XXYLT1: variants seen among roughly 807,000 people sequenced by gnomAD.
The protein encoded by XXYLT1 is UDP-xylose:alpha-xyloside alpha-1,3-xylosyltransferase.
XXYLT1 carries 20 observed loss-of-function variants against 28.9 expected under a neutral mutation model. The observed-to-expected ratio is 0.69, with a 90% CI of 0.49 to 1.00. The LOEUF (loss-of-function observed/expected upper bound fraction) is 1.00. Among genes scored for constraint, XXYLT1 ranks in the 50% least tolerant of loss-of-function variants. The probability of loss-of-function intolerance (pLI) is 0.00; values close to 1 mark genes in which losing one functional copy is unlikely to be tolerated. For missense variants in XXYLT1, 542 were observed against 560.1 expected (o/e 0.97, Z 0.33); for synonymous variants, 257 against 253.8 (o/e 1.01, Z -0.12).
chr3:195,250,613 TCTC>T (rs1725215266), intron 1 of XXYLT1, among the ~76,000 whole-genome samples: 1 of 151,986 alleles, frequency 6.6e-6, no homozygotes, highest in Non-Finnish European at 1.5e-5. Context: ...CTGGTCCTCT[TCTC>T]CTGCTGACAC....
At chr3:195,127,245 G>A (rs76080427) in intron 3 of XXYLT1, among the ~76,000 whole-genome samples, 2,932 of 152,254 alleles carry the variant, frequency 0.019, 101 homozygotes, top group African/African-American at 0.067. Flanking sequence ...TGGAATCTAA[G>A]TTTGGGGAGT....
At chr3:195,103,389 G>GGCCTGCGTCCATCACCTCACA (rs1716908414) in intron 3 of XXYLT1, among the ~76,000 whole-genome samples, 1 of 133,666 alleles carries the variant, frequency 7.5e-6, no homozygotes, top group African/African-American at 3.1e-5. Flanking sequence ...ATCACCCCAC[G>GGCCTGCGTCCATCACCTCACA]CCAGCGGCCT....
In XXYLT1 at chr3:195,255,580, G is replaced by C. The variant is rs1171634303; in HGVS notation, c.504+14975C>G. ...CAAGTGGGTGAGATCCAAAAGCTGT[G>C]TCAGGCTAGAAACCAAAACAGAAGA... On this transcript the variant is annotated intron_variant, in intron 1 of 3. Coordinates refer to ENST00000310380, the MANE Select transcript of XXYLT1 (RefSeq NM_152531.5). This position sits in a 1 kb window ranked among gnomAD's most constrained non-coding sequence, Gnocchi z 4.5. Among the ~76,000 whole-genome samples, 2 of 152,238 alleles carry C rather than the reference G, an allele frequency of 1.3e-5. No individual in the cohort carries two copies. Among genetic ancestry groups the C allele is most frequent in the African/African-American group, 4.8e-5 (2 of 41,460 alleles).
chr3:195,270,681 C>A lies in XXYLT1; in HGVS notation c.378G>T (p.Leu126=). 6.3e-7 allele frequency: 1 copy of A among 1,586,830 alleles called. No individual in the cohort carries two copies. Among genetic ancestry groups the A allele is most frequent in the East Asian group, 2.4e-5 (1 of 41,856 alleles). ...CGTGCGCCTCGAACTTGGCGAGGCG[C>A]AGCAGTGAGCGCAGCGCGACGCGGG... ...AKARVALRSL[L]RLAKFEAHEV... Residue 126 remains leucine, a synonymous_variant, in exon 1 of 4, where the codon CTG becomes CTT. Coordinates refer to ENST00000310380, the MANE Select transcript of XXYLT1 (RefSeq NM_152531.5).
intron 3 of XXYLT1, among the ~76,000 whole-genome samples, chr3:195,128,733 T>C: frequency 6.6e-6 from 1 of 152,222 alleles, no homozygotes; most frequent in East Asian, 1.9e-4. Context: ...CTCTCCTATG[T>C]GTTTAGAGCC....
chr3:195,243,516 T>C (rs1312262474), intron 1 of XXYLT1, among the ~76,000 whole-genome samples: 1 of 152,086 alleles, frequency 6.6e-6, no homozygotes, highest in Admixed American at 6.5e-5. Flanking sequence ...ATGTCTGAAA[T>C]TATATCAAAG....
intron 3 of XXYLT1, among the ~76,000 whole-genome samples, chr3:195,114,801 C>T (rs999565465): frequency 2.0e-5 from 3 of 152,212 alleles, no homozygotes; most frequent in Non-Finnish European, 4.4e-5. Flanking sequence ...TTTTGGAGCA[C>T]GCAGGAAGGT....
chr3:195,103,342 A>ACCCGCGTCCATCACCCCACGCCAGCGG (rs1716897419), intron 3 of XXYLT1, among the ~76,000 whole-genome samples: 1 of 48,062 alleles, frequency 2.1e-5, no homozygotes, highest in African/African-American at 7.3e-5. Context: ...CACGCCAGCG[A>ACCCGCGTCCATCACCCCACGCCAGCGG]CCTGCGTCCA....
intron 3 of XXYLT1, among the ~76,000 whole-genome samples, chr3:195,136,460 A>G (rs1177675371): frequency 6.6e-6 from 1 of 152,122 alleles, no homozygotes; most frequent in Non-Finnish European, 1.5e-5. Flanking sequence ...TCACTCCAGG[A>G]CCTCAGGGGC....
rs1297465415 is a variant in XXYLT1, at chr3:195,173,585, T to C, written c.653-17004A>G. Among the ~76,000 whole-genome samples the C allele has an allele frequency of 1.3e-5, 2 of 152,222 alleles. No homozygotes were observed. The highest frequency in any genetic ancestry group is 4.8e-5 in the African/African-American group (2 of 41,440). ...TCATTTTAAAGACCTTTCATTTTCC[T>C]TTCTGGTTTTCAAATGGCCAGTGAG... On this transcript the variant is annotated intron_variant, in intron 2 of 3. Coordinates refer to ENST00000310380, the MANE Select transcript of XXYLT1 (RefSeq NM_152531.5). The surrounding 1 kb of genome is among the most constrained non-coding windows in gnomAD (Gnocchi z 4.3).
Position 195,216,528 on chromosome 3 carries a change from A to G in XXYLT1, c.652+10181T>C, listed in dbSNP as rs1341011501. ...ACAAACTACCATCAGGGAATACTAC[A>G]AACACCTCTACGCAAATAAACTAGA... is the stretch of plus-strand genomic sequence containing the variant. On this transcript the variant is annotated intron_variant, in intron 2 of 3. Coordinates refer to ENST00000310380, the MANE Select transcript of XXYLT1 (RefSeq NM_152531.5). Among the ~76,000 whole-genome samples the G allele has an allele frequency of 2.0e-5, 3 of 149,026 alleles. No individual in the cohort carries two copies. The South Asian group carries it at 6.5e-4, about 32-fold the overall frequency.
chr3:195,213,263 C>CTTTTT (rs924778735), intron 2 of XXYLT1, among the ~76,000 whole-genome samples: 6 of 129,068 alleles, frequency 4.6e-5, no homozygotes, highest in Non-Finnish European at 8.0e-5. Flanking sequence ...TTCTTTCTTT[C>CTTTTT]TTTTTTTTTT....
At chr3:195,185,694 C>G (rs1722167932) in intron 2 of XXYLT1, among the ~76,000 whole-genome samples, 1 of 151,860 alleles carries the variant, frequency 6.6e-6, no homozygotes, top group South Asian at 2.1e-4. Flanking sequence ...GTCGACACAC[C>G]CTCTGGGCGC....
At chr3:195,179,683 C>T (rs566093424) in intron 2 of XXYLT1, among the ~76,000 whole-genome samples, 7 of 151,980 alleles carry the variant, frequency 4.6e-5, no homozygotes, top group South Asian at 2.1e-4. Context: ...AGAAACAAAC[C>T]GGAGGCAAAC....
intron 3 of XXYLT1, among the ~76,000 whole-genome samples, chr3:195,113,233 G>A (rs946737395): frequency 3.3e-5 from 5 of 152,130 alleles, no homozygotes; most frequent in East Asian, 1.9e-4. Flanking sequence ...CACTGATTTC[G>A]CCGCAACTGC....
At chr3:195,179,509 C>T (rs1577114647) in intron 2 of XXYLT1, among the ~76,000 whole-genome samples, 3 of 152,112 alleles carry the variant, frequency 2.0e-5, no homozygotes, top group Non-Finnish European at 4.4e-5. Context: ...AACTGGTTTT[C>T]AGTCACGTCC....
At chr3:195,089,631 T>A (rs1006155678) in intron 3 of XXYLT1, among the ~76,000 whole-genome samples, 1 of 151,632 alleles carries the variant, frequency 6.6e-6, no homozygotes, top group African/African-American at 2.4e-5. Context: ...ACGAGCACAA[T>A]AACCAGCTAG....
At position 195,076,991 on chromosome 3, in the gene XXYLT1, A is replaced by G. The variant is rs1169976600; in HGVS notation, c.786-6880T>C. Among the ~76,000 whole-genome samples the G allele has an allele frequency of 6.6e-6, 1 of 152,168 alleles. No homozygotes were observed. The highest frequency in any genetic ancestry group is 2.4e-5 in the African/African-American group (1 of 41,426). On this transcript the variant is annotated intron_variant, in intron 3 of 3. Coordinates refer to ENST00000310380, the MANE Select transcript of XXYLT1 (RefSeq NM_152531.5). The surrounding 1 kb of genome is among the most constrained non-coding windows in gnomAD (Gnocchi z 5.3). ...GAGGAATTCTGAGGGACACACTTCA[A>G]CCCACAGCACTCTCCAGCAATGAAG...
chr3:195,162,539 T>A (rs1179498543), intron 2 of XXYLT1, among the ~76,000 whole-genome samples: 1 of 152,206 alleles, frequency 6.6e-6, no homozygotes, highest in African/African-American at 2.4e-5. Context: ...TCGCCCCCTC[T>A]CAAAATGAAG....
Sources: allele counts gnomAD v4.1 joint callset (sites outside exome capture counted in the v4.1 genomes callset), GRCh38; gene constraint gnomAD v4.1.1; non-coding constraint Gnocchi (gnomAD v3.1); transcripts MANE v1.5; gene names NCBI Gene and HGNC (gene_info 2026-07-23, HGNC 2026-07-21).